Variants in EPPK1 observed in about 807,000 individuals in gnomAD.
EPPK1 encodes epiplakin.
For missense variants in EPPK1, 3,823 were observed against 3,673.3 expected (o/e 1.04, Z -1.05); for synonymous variants, 1,862 against 1,721.2 (o/e 1.08, Z -2.03).
Position 143,876,694 on chromosome 8 carries a change from C to T in EPPK1, c.-46+1744G>A, listed in dbSNP as rs187948667. 3.8e-3 allele frequency among the ~76,000 whole-genome samples: 574 copies of T among 152,368 alleles called. 3 individuals carry two copies. The highest frequency in any genetic ancestry group is 6.9e-3 in the Non-Finnish European group (467 of 68,026). ...TCTCCAGCACGCCTCGTTCCAGGACCCTCCAGGATCTGTGAGCCTAAGGCA... is the reference window on the plus strand; with the variant it reads ...TCTCCAGCACGCCTCGTTCCAGGACTCTCCAGGATCTGTGAGCCTAAGGCA... On this transcript the variant is annotated intron_variant, in intron 1 of 1. Transcript: ENST00000615648.
In EPPK1 at chr8:143,868,083, T is replaced by C; in HGVS notation, c.5171A>G (p.Asp1724Gly). 1 of 1,613,490 alleles carries C rather than the reference T, an allele frequency of 6.2e-7. No homozygotes were observed. The highest frequency in any genetic ancestry group is 8.5e-7 in the Non-Finnish European group (1 of 1,180,028). The change falls in exon 2 of 2, where the codon GAC (aspartate) becomes GGC (glycine). Residue 1724 changes from aspartate (D) to glycine (G), a missense_variant. Transcript: ENST00000615648. ...MNRILADPSD[D>G]TKGFFDPNTH... is the part of the protein sequence containing the mutation. ...GTTGGGGTCGAAGAAGCCCTTGGTG[T>C]CGTCGCTGGGGTCCGCCAGGATGCG... is the stretch of plus-strand genomic sequence containing the variant.
In EPPK1 at chr8:143,867,297, G is replaced by T. The variant is rs143133632; in HGVS notation, c.5957C>A (p.Thr1986Lys). The T allele has an allele frequency of 1.8e-5, 29 of 1,612,306 alleles. No individual in the cohort carries two copies. The East Asian group carries it at 4.2e-4, about 24-fold the overall frequency. ...TGYRDPATGD[T>K]IPLFQAMQKQ... is the part of the protein sequence containing the mutation. ...CTGCATGGCCTGGAACAGCGGGATC[G>T]TGTCTCCTGTGGCCGGATCCCTGTA... The change falls in exon 2 of 2, where the codon ACG becomes AAG. Residue 1986 changes from threonine (T) to lysine (K), a missense_variant. Physicochemically the swap from Thr to Lys is moderately conservative, Grantham distance 78. Coordinates refer to ENST00000615648, the MANE Select transcript of EPPK1 (RefSeq NM_031308.4).
In EPPK1 at chr8:143,872,996, G is replaced by T; in HGVS notation, c.258C>A (p.Asp86Glu). The change falls in exon 2 of 2, where the codon GAC (aspartate) becomes GAA (glutamate). Residue 86 changes from aspartate (D) to glutamate (E), a missense_variant. Coordinates refer to ENST00000615648, the MANE Select transcript of EPPK1 (RefSeq NM_031308.4). ...CAGGGAGCAGCTGGCCCCGGGCGAG[G>T]TCCACCAGGCCCCCAGTGGCTGCCT... ...EAQAATGGLV[D>E]LARGQLLPVS... The T allele has an allele frequency of 6.3e-7, 1 of 1,583,322 alleles. No individual in the cohort carries two copies. Among genetic ancestry groups the T allele is most frequent in the Non-Finnish European group, 8.6e-7 (1 of 1,163,656 alleles).
chr8:143,878,516 C>A (rs1819536066), upstream of EPPK1: 1 of 148,780 alleles, frequency 6.7e-6, no homozygotes, highest in South Asian at 1.8e-4. Context: ...GCCCCGCCCC[C>A]GTCTAGGGCG....
Position 143,868,041 on chromosome 8 carries a change from G to C in EPPK1, c.5213C>G (p.Thr1738Arg), listed in dbSNP as rs367995617. 1 of 1,613,708 alleles carries C rather than the reference G, an allele frequency of 6.2e-7. No homozygotes were observed. Among genetic ancestry groups the C allele is most frequent in the Non-Finnish European group, 8.5e-7 (1 of 1,180,034 alleles). ...ACAGCGCTCCAGAAGCTGCAGGTAC[G>C]TGAGGTTCTCGTGCGTGTTGGGGTC... ...FFDPNTHENL[T>R]YLQLLERCVE... Residue 1738 changes from threonine (T) to arginine (R), a missense_variant, in exon 2 of 2, where the codon ACG (threonine) becomes AGG (arginine). Physicochemically the swap from Thr to Arg is moderately conservative, Grantham distance 71. Coordinates refer to ENST00000615648, the MANE Select transcript of EPPK1 (RefSeq NM_031308.4).
rs1554660926 is a variant in EPPK1 at position 143,870,810 on chromosome 8, T to C, written c.2444A>G (p.Gln815Arg). ...ATACTTCACGGAGAGCAGCAGGTTC[T>C]GGAAGGCCTGCTGGGTGGCACTGTC... ...LVDSATQQAFQNLLLSVKYGR... is the reference protein window; with the variant it reads ...LVDSATQQAFRNLLLSVKYGR... Residue 815 changes from glutamine (Q) to arginine (R), a missense_variant, in exon 2 of 2, where the codon CAG becomes CGG. By Grantham distance (43) the Gln-to-Arg change is conservative (BLOSUM62 1). Transcript: ENST00000615648. The surrounding 1 kb of genome is among the most constrained non-coding windows in gnomAD (Gnocchi z 5.2). 8 of 1,612,770 alleles carry C rather than the reference T, an allele frequency of 5.0e-6. No individual in the cohort carries two copies. Among genetic ancestry groups the C allele is most frequent in the Non-Finnish European group, 6.8e-6 (8 of 1,179,850 alleles).
chr8:143,870,338 G>A lies in EPPK1; in HGVS notation c.2916C>T (p.Thr972=), dbSNP rs1819299226. Residue 972 remains threonine (T), a synonymous_variant, in exon 2 of 2, where the codon ACC becomes ACT. Transcript: ENST00000615648. The surrounding 1 kb of genome is among the most constrained non-coding windows in gnomAD (Gnocchi z 5.2). The part of the protein sequence containing the change: ...ALLEAQAATG[T]IMDPHSPESL... ...TCTCTGGGCTGTGAGGGTCCATGAT[G>A]GTTCCGGTGGCCGCCTGGGCCTCCA... The A allele has an allele frequency of 1.3e-6, 2 of 1,559,294 alleles. No individual in the cohort carries two copies. Among genetic ancestry groups the A allele is most frequent in the Non-Finnish European group, 1.7e-6 (2 of 1,157,620 alleles).
At chr8:143,878,023 C>A (rs1554662525) in intron 1 of EPPK1, among the ~76,000 whole-genome samples, 1 of 152,116 alleles carries the variant, frequency 6.6e-6, no homozygotes, top group African/African-American at 2.4e-5. Context: ...CTCAATTTGT[C>A]GGCCTAGCTG....
chr8:143,868,381 C>G lies in EPPK1; in HGVS notation c.4873G>C (p.Val1625Leu). The G allele has an allele frequency of 1.9e-6, 3 of 1,612,788 alleles. No individual in the cohort carries two copies. Among genetic ancestry groups the G allele is most frequent in the Non-Finnish European group, 2.5e-6 (3 of 1,179,894 alleles). ...ATTCCTGCTTTGAACGCCTCCTCCA[C>G]GGTCAGCTTCCGGTTCTCCACGGGG... ...IDPVENRKLTVEEAFKAGMFG... is the reference protein window; with the variant it reads ...IDPVENRKLTLEEAFKAGMFG... Residue 1625 changes from valine (V) to leucine (L), a missense_variant, in exon 2 of 2, where the codon GTG (valine) becomes CTG (leucine). Val to Leu is a conservative substitution (Grantham distance 32). Coordinates refer to ENST00000615648, the MANE Select transcript of EPPK1 (RefSeq NM_031308.4).
rs895766255 is a variant in EPPK1, at chr8:143,869,969, A to G, written c.3285T>C (p.Tyr1095=). ...PTPDGQGRTS[Y]AQLLEECPRD... is the part of the protein sequence containing the mutation. ...TGGGGCACTCCTCCAGGAGCTGGGC[A>G]TAGCTCGTGCGCCCCTGGCCGTCCG... is the stretch of plus-strand genomic sequence containing the variant. The change falls in exon 2 of 2, where the codon TAT becomes TAC. Residue 1095 remains tyrosine (Y), a synonymous_variant. Coordinates refer to ENST00000615648, the MANE Select transcript of EPPK1 (RefSeq NM_031308.4). 2.5e-6 allele frequency: 4 copies of G among 1,606,786 alleles called. No individual in the cohort carries two copies. In the African/African-American group the frequency reaches 4.0e-5, roughly 16 times the overall value.
Position 143,857,896 on chromosome 8 carries a change from C to CAAAAAAAAAAAAAAAAAAA in EPPK1, c.*72_*90dup, listed in dbSNP as rs35186960. The CAAAAAAAAAAAAAAAAAAA allele has an allele frequency of 2.4e-4, 82 of 348,416 alleles. No homozygotes were observed. The highest frequency in any genetic ancestry group is 4.4e-4 in the African/African-American group (12 of 27,470). The allele number at this position is 348,416 out of a possible 1,614,324, so 21.6% of individuals were successfully genotyped here. A position where few individuals can be genotyped will look rare whatever the true frequency, so the allele number is the denominator to read the frequency against. ...GTAAAACAACAAAATTAAAGAATGA[C>CAAAAAAAAAAAAAAAAAAA]AAAAAAAAAAAAAAAAAAAAAAACA... On this transcript the variant is annotated 3_prime_UTR_variant, in exon 2 of 2. Transcript: ENST00000615648.
In EPPK1 at chr8:143,858,722, G is replaced by T; in HGVS notation, c.14532C>A (p.Gly4844=). 2.7e-6 allele frequency: 1 copy of T among 367,914 alleles called. No homozygotes were observed. Among genetic ancestry groups the T allele is most frequent in the Admixed American group, 6.1e-5 (1 of 16,316 alleles). The allele number at this position is 367,914 out of a possible 1,614,324, so 22.8% of individuals were successfully genotyped here. The change falls in exon 2 of 2, where the codon GGC becomes GGA. Residue 4844 remains glycine (G), a synonymous_variant. Transcript: ENST00000615648. ...CGGAGGCGGACACCTGGCGCCTCAG[G>T]CCGCGGAAGGACACCTTGCTGAGCC... ...EERLSKVSFR[G]LRRQVSASEL...
Position 143,869,297 on chromosome 8 carries a change from C to A in EPPK1, c.3957G>T (p.Gln1319His). Reference sequence around the variant, plus strand: ...GGTACCCGGCCGCCGCCCTCTCGGCCTGCCCGAGCTGCTCACTCAGCTCCC... The same window carrying A: ...GGTACCCGGCCGCCGCCCTCTCGGCATGCCCGAGCTGCTCACTCAGCTCCC... ...VGRELSEQLG[Q>H]AERAAAGYPD... is the part of the protein sequence containing the mutation. The change falls in exon 2 of 2, where the codon CAG (glutamine) becomes CAT (histidine). Residue 1319 changes from glutamine to histidine, a missense_variant. Gln to His is a conservative substitution (Grantham distance 24). Transcript: ENST00000615648. 1 of 1,604,166 alleles carries A rather than the reference C, an allele frequency of 6.2e-7. No individual in the cohort carries two copies. Among genetic ancestry groups the A allele is most frequent in the South Asian group, 1.1e-5 (1 of 90,094 alleles).
At position 143,866,408 on chromosome 8, in the gene EPPK1, C is replaced by T. The variant is rs1265217945; in HGVS notation, c.6846G>A (p.Ser2282=). The change falls in exon 2 of 2, where the codon TCG becomes TCA. Residue 2282 remains serine, a synonymous_variant. Coordinates refer to ENST00000615648, the MANE Select transcript of EPPK1 (RefSeq NM_031308.4). ...CGCCCGCGGCCACGGCCTCCTCCACCGACAGCCTCAGGTTGCGCACGGGGT... is the reference window on the plus strand; with the variant it reads ...CGCCCGCGGCCACGGCCTCCTCCACTGACAGCCTCAGGTTGCGCACGGGGT... The part of the protein sequence containing the change: ...VIDPVRNLRL[S]VEEAVAAGVV... 9.3e-5 allele frequency: 107 copies of T among 1,155,938 alleles called. No individual in the cohort carries two copies. The highest frequency in any genetic ancestry group is 1.1e-4 in the Non-Finnish European group (94 of 853,544). 71.6% of individuals were successfully genotyped at this position (1,155,938 alleles called of 1,614,324 possible). A position where few individuals can be genotyped will look rare whatever the true frequency, so the allele number is the denominator to read the frequency against.
In EPPK1 at chr8:143,869,913, G is replaced by C. The variant is rs548195746; in HGVS notation, c.3341C>G (p.Pro1114Arg). 1 of 1,609,288 alleles carries C rather than the reference G, an allele frequency of 6.2e-7. No individual in the cohort carries two copies. The highest frequency in any genetic ancestry group is 8.5e-7 in the Non-Finnish European group (1 of 1,178,362). The change falls in exon 2 of 2, where the codon CCC (proline) becomes CGC (arginine). Residue 1114 changes from proline to arginine, a missense_variant. By Grantham distance (103) the Pro-to-Arg change is moderately radical. Transcript: ENST00000615648. ...GAGGGCAGGAGCACTTTCTGGCAGG[G>C]GCAGGAGGTGAAGGCCAGAAGTCTC... is the stretch of plus-strand genomic sequence containing the variant. ...RDETSGLHLL[P>R]LPESAPALPT...
chr8:143,858,064 T>A lies in EPPK1; in HGVS notation c.15190A>T (p.Thr5064Ser), dbSNP rs782430615. ...FFDPNTHENLTYLQLLQRATL... is the reference protein window; with the variant it reads ...FFDPNTHENLSYLQLLQRATL... The stretch of plus-strand genomic sequence containing the variant: ...GCCCTCTGCAGAAGCTGCAGGTACG[T>A]GAGGTTCTCGTGCGTGTTGGGGTCG... Residue 5064 changes from threonine (T) to serine (S), a missense_variant, in exon 2 of 2, where the codon ACG becomes TCG. Thr to Ser is a moderately conservative substitution (Grantham distance 58). Coordinates refer to ENST00000615648, the MANE Select transcript of EPPK1 (RefSeq NM_031308.4). 3.1e-6 allele frequency: 5 copies of A among 1,613,358 alleles called. No individual in the cohort carries two copies. Among genetic ancestry groups the A allele is most frequent in the African/African-American group, 1.3e-5 (1 of 75,044 alleles).
In EPPK1 at chr8:143,858,241, G is replaced by T. The variant is rs557634082; in HGVS notation, c.15013C>A (p.Arg5005Ser). The T allele has an allele frequency of 6.2e-7, 1 of 1,603,910 alleles. No individual in the cohort carries two copies. Among genetic ancestry groups the T allele is most frequent in the Admixed American group, 1.7e-5 (1 of 59,590 alleles). ...GTGGCGATCTGGGCCTCCAGCAGGC[G>T]GATGCCGTGCTCCCGGACGATGAGG... ...KDLIVREHGI[R>S]LLEAQIATGG... Residue 5005 changes from arginine (R) to serine (S), a missense_variant, in exon 2 of 2, where the codon CGC becomes AGC. Transcript: ENST00000615648.
chr8:143,867,287 C>G lies in EPPK1; in HGVS notation c.5967G>C (p.Leu1989=). The G allele has an allele frequency of 6.2e-7, 1 of 1,612,374 alleles. No homozygotes were observed. The highest frequency in any genetic ancestry group is 8.5e-7 in the Non-Finnish European group (1 of 1,179,586). Residue 1989 remains leucine (L), a synonymous_variant, in exon 2 of 2, where the codon CTG becomes CTC. Transcript: ENST00000615648. ...TGAGCTGCTTCTGCATGGCCTGGAA[C>G]AGCGGGATCGTGTCTCCTGTGGCCG... ...RDPATGDTIP[L]FQAMQKQLIE...
rs1037342756 is a variant in EPPK1, at chr8:143,869,942, C to T, written c.3312G>A (p.Arg1104=). The T allele has an allele frequency of 6.2e-7, 1 of 1,608,514 alleles. No homozygotes were observed. Among genetic ancestry groups the T allele is most frequent in the African/African-American group, 1.3e-5 (1 of 74,986 alleles). ...SYAQLLEECP[R]DETSGLHLLP... is the part of the protein sequence containing the mutation. The stretch of plus-strand genomic sequence containing the variant: ...GGAGGTGAAGGCCAGAAGTCTCATC[C>T]CTGGGGCACTCCTCCAGGAGCTGGG... The change falls in exon 2 of 2, where the codon AGG becomes AGA. Residue 1104 remains arginine, a synonymous_variant. Coordinates refer to ENST00000615648, the MANE Select transcript of EPPK1 (RefSeq NM_031308.4).
Sources: gnomAD v4.1 joint callset for allele counts (sites outside exome capture counted in the v4.1 genomes callset) on GRCh38, gnomAD v4.1.1 for gene constraint, Gnocchi (gnomAD v3.1) non-coding constraint, MANE v1.5 for transcripts, NCBI Gene and HGNC (gene_info 2026-07-23, HGNC 2026-07-21) for gene names.